The following NELL2 variants were observed in gnomAD, a reference collection of about 807,000 sequenced individuals.
The protein encoded by NELL2 is neural EGFL like 2.
Under a neutral mutation model 109.6 loss-of-function variants are expected in NELL2, and 41 were observed. The ratio of observed to expected loss-of-function variants is 0.37; its 90% confidence interval spans 0.29 to 0.49. NELL2 has a LOEUF of 0.49. Among genes scored for constraint, NELL2 ranks in the 20% least tolerant of loss-of-function variants. NELL2 has a pLI of 0.98. For missense variants in NELL2, 900 were observed against 1,008.3 expected (o/e 0.89, Z 1.45); for synonymous variants, 355 against 344.7 (o/e 1.03, Z -0.33).
intron 2 of NELL2, among the ~76,000 whole-genome samples, chr12:44,816,602 T>C (rs1228132345): frequency 2.0e-5 from 3 of 152,196 alleles, no homozygotes; most frequent in Admixed American, 2.0e-4. Context: ...ACCCTCCACA[T>C]TGGTTTCTTC....
chr12:44,748,055 G>A (rs1940475455), intron 9 of NELL2, among the ~76,000 whole-genome samples: 1 of 152,060 alleles, frequency 6.6e-6, no homozygotes, highest in South Asian at 2.1e-4. Context: ...TCTGTAAATT[G>A]AGGATTGTTC....
intron 2 of NELL2, among the ~76,000 whole-genome samples, chr12:44,856,279 T>A (rs181302102): frequency 3.9e-5 from 6 of 152,382 alleles, no homozygotes; most frequent in Admixed American, 2.0e-4. Flanking sequence ...GCTAGACATT[T>A]GGGATTCATA....
At chr12:44,547,333 A>G (rs1408250279) in intron 15 of NELL2, among the ~76,000 whole-genome samples, 1 of 152,254 alleles carries the variant, frequency 6.6e-6, no homozygotes, top group Non-Finnish European at 1.5e-5. Context: ...TAAATAAATT[A>G]TAGCACGTGC....
intron 9 of NELL2, among the ~76,000 whole-genome samples, chr12:44,748,430 T>C (rs1940495718): frequency 6.6e-6 from 1 of 152,140 alleles, no homozygotes; most frequent in African/African-American, 2.4e-5. Context: ...TCCTATGTTT[T>C]ACAGAAATAA....
At chr12:44,764,189 C>T (rs1278506717) in intron 9 of NELL2, among the ~76,000 whole-genome samples, 1 of 152,134 alleles carries the variant, frequency 6.6e-6, no homozygotes, top group South Asian at 2.1e-4. Context: ...CAAGGTAGGT[C>T]TAAACCTTTT....
chr12:44,684,801 G>A (rs1376435530), intron 12 of NELL2, among the ~76,000 whole-genome samples: 1 of 152,124 alleles, frequency 6.6e-6, no homozygotes, highest in African/African-American at 2.4e-5. Context: ...TATAATTTCT[G>A]TTCTTTTACA....
chr12:44,869,340 A>C lies in NELL2; in HGVS notation c.184+5885T>G, dbSNP rs143551016. Among the ~76,000 whole-genome samples the C allele has an allele frequency of 1.7e-4, 26 of 152,314 alleles. No homozygotes were observed. In the East Asian group the frequency reaches 4.6e-3, roughly 27 times the overall value. On this transcript the variant is annotated intron_variant, in intron 2 of 19. Transcript: ENST00000429094. ...TGTAATTATTGGTTCCACCCTCTGG[A>C]GTCAGCTCCATGCTCTGGGCTCTGA...
chr12:44,597,591 T>G (rs1022245080), intron 15 of NELL2, among the ~76,000 whole-genome samples: 1 of 152,190 alleles, frequency 6.6e-6, no homozygotes, highest in Non-Finnish European at 1.5e-5. Context: ...TAAACTTAGT[T>G]CCCTCTATGT....
rs746433699 is a variant in NELL2 at position 44,875,175 on chromosome 12, G to A, written c.184+50C>T. ...ACAAGCGGCAAGAGCAACTCCTGCC[G>A]GGGTTATCGGAACTGAAATCACAGT... On this transcript the variant is annotated intron_variant, in intron 2 of 19. Transcript: ENST00000429094. 4.4e-6 allele frequency: 7 copies of A among 1,579,500 alleles called. No individual in the cohort carries two copies. The Admixed American group carries it at 5.2e-5, about 12-fold the overall frequency.
At chr12:44,577,465 GTTTTTTTTTTTTT>G (rs746239984) in intron 15 of NELL2, among the ~76,000 whole-genome samples, 1 of 83,438 alleles carries the variant, frequency 1.2e-5, no homozygotes, top group Non-Finnish European at 2.2e-5. Flanking sequence ...CAGATGAGTA[GTTTTTTTTTTTTT>G]TTTTTTTTTT....
At chr12:44,675,865 C>T (rs1327337704) in intron 12 of NELL2, among the ~76,000 whole-genome samples, 1 of 152,070 alleles carries the variant, frequency 6.6e-6, no homozygotes, top group Non-Finnish European at 1.5e-5. Flanking sequence ...CATTTCTAGA[C>T]CCCAGGTTTA....
intron 15 of NELL2, among the ~76,000 whole-genome samples, chr12:44,552,396 T>G (rs1288662094): frequency 6.6e-6 from 1 of 151,878 alleles, no homozygotes; most frequent in Non-Finnish European, 1.5e-5. Flanking sequence ...TTAAAAGTGC[T>G]AAAAACCTTC....
chr12:44,655,600 G>A (rs1762050835), intron 13 of NELL2, among the ~76,000 whole-genome samples: 1 of 152,206 alleles, frequency 6.6e-6, no homozygotes, highest in Non-Finnish European at 1.5e-5. Context: ...TCTGTTCTCT[G>A]TGAGTTTTCT....
chr12:44,817,879 A>G (rs1171822129), intron 2 of NELL2, among the ~76,000 whole-genome samples: 1 of 152,218 alleles, frequency 6.6e-6, no homozygotes, highest in Non-Finnish European at 1.5e-5. Flanking sequence ...ACAATTGGTC[A>G]TGTGACACAG....
chr12:44,842,844 G>A (rs1467688464), intron 2 of NELL2, among the ~76,000 whole-genome samples: 1 of 151,914 alleles, frequency 6.6e-6, no homozygotes, highest in African/African-American at 2.4e-5. Context: ...GAGGGAAGAG[G>A]CCCACGTGCA....
At chr12:44,591,161 T>TGAACAAAAAGG (rs1442445776) in intron 15 of NELL2, among the ~76,000 whole-genome samples, 1 of 152,152 alleles carries the variant, frequency 6.6e-6, no homozygotes, top group Non-Finnish European at 1.5e-5. Flanking sequence ...AAAGGAACTC[T>TGAACAAAAAGG]AATACACTGC....
intron 2 of NELL2, among the ~76,000 whole-genome samples, chr12:44,859,316 C>T (rs568074868): frequency 2.6e-5 from 4 of 152,212 alleles, no homozygotes; most frequent in South Asian, 4.1e-4. Flanking sequence ...CCGAGGCAGG[C>T]GGATCACCTG....
intron 3 of NELL2, among the ~76,000 whole-genome samples, chr12:44,810,153 T>G (rs768610621): frequency 6.6e-6 from 1 of 152,136 alleles, no homozygotes; most frequent in African/African-American, 2.4e-5. Context: ...CATAATAACC[T>G]TTCTCTTCAT....
chr12:44,601,643 A>G (rs1945226220), intron 15 of NELL2, among the ~76,000 whole-genome samples: 1 of 152,142 alleles, frequency 6.6e-6, no homozygotes, highest in South Asian at 2.1e-4. Context: ...TCTGTCTATA[A>G]AAGTTTATTT....
Sources: allele counts gnomAD v4.1 joint callset (sites outside exome capture counted in the v4.1 genomes callset), GRCh38; gene constraint gnomAD v4.1.1; transcripts MANE v1.5; gene names NCBI Gene and HGNC (gene_info 2026-07-23, HGNC 2026-07-21).